The following SBK1 variants were observed in gnomAD, a reference collection of about 807,000 sequenced individuals.
SBK1 encodes SH3 domain binding kinase 1.
Under a neutral mutation model 24.4 loss-of-function variants are expected in SBK1, and 11 were observed. That is an observed-to-expected ratio of 0.45 (90% CI 0.28 to 0.75). SBK1 has a LOEUF of 0.75. SBK1 is among the 30% of genes least tolerant of loss of function. SBK1 has a pLI of 0.12. For synonymous variants in SBK1, 308 were observed against 284.4 expected (o/e 1.08, Z -0.83); for missense variants, 467 against 620.5 (o/e 0.75, Z 2.63).
At chr16:28,313,969 A>T (rs1349216304) in intron 1 of SBK1, among the ~76,000 whole-genome samples, 42 of 21,766 alleles carry the variant, frequency 1.9e-3, no homozygotes. Flanking sequence ...CCGCCCGCCC[A>T]CCCTTGCTCA....
rs1362161267 is a variant in SBK1, at chr16:28,259,322, G to A, written c.77G>A (p.Gly26Glu). The A allele has an allele frequency of 6.4e-6, 2 of 310,534 alleles. No homozygotes were observed. Among genetic ancestry groups the A allele is most frequent in the Non-Finnish European group, 9.4e-6 (2 of 213,034 alleles). 19.2% of individuals were successfully genotyped at this position (310,534 alleles called of 1,614,324 possible). Reference sequence around the variant, plus strand: ...CTGACCCTGGAGCGCCCTGGCTCGGGGACTCCTGCCCAGGCTGGCGATGAT... The same window carrying A: ...CTGACCCTGGAGCGCCCTGGCTCGGAGACTCCTGCCCAGGCTGGCGATGAT... The change falls in exon 1 of 4, where the codon GGG becomes GAG. Residue 26 changes from glycine (G) to glutamate (E), a missense_variant. Gly to Glu is a moderately conservative substitution (Grantham distance 98). Transcript: ENST00000671413. The surrounding 1 kb of genome is among the most constrained non-coding windows in gnomAD (Gnocchi z 6.0).
intron 1 of SBK1, among the ~76,000 whole-genome samples, chr16:28,313,000 C>T (rs2044764618): frequency 6.6e-6 from 1 of 152,188 alleles, no homozygotes; most frequent in African/African-American, 2.4e-5. Context: ...CATGGTGGCA[C>T]ATGCCTGTAA....
chr16:28,311,717 A>G (rs1461640059), intron 1 of SBK1, among the ~76,000 whole-genome samples: 1 of 151,004 alleles, frequency 6.6e-6, no homozygotes, highest in Non-Finnish European at 1.5e-5. Context: ...AAAAAGAATT[A>G]AAGTAAATAA....
In SBK1 at chr16:28,292,566, G is replaced by A; in HGVS notation, c.-742G>A. The stretch of plus-strand genomic sequence containing the variant: ...GCAGCCCGGGCGGGCGCCGGGGCCG[G>A]GGCCCGAGCGCCAGGCGGAGCGCGA... On this transcript the variant is annotated 5_prime_UTR_variant, in exon 1 of 4. Coordinates refer to ENST00000341901, the MANE Select transcript of SBK1 (RefSeq NM_001024401.3). 1.0e-6 allele frequency: 1 copy of A among 979,516 alleles called. No homozygotes were observed. The highest frequency in any genetic ancestry group is 1.2e-6 in the Non-Finnish European group (1 of 827,324). 60.7% of individuals were successfully genotyped at this position (979,516 alleles called of 1,614,324 possible). A position where few individuals can be genotyped will look rare whatever the true frequency, so the allele number is the denominator to read the frequency against.
In SBK1 at chr16:28,292,802, C is replaced by G; in HGVS notation, c.-506C>G. On this transcript the variant is annotated 5_prime_UTR_variant, in exon 1 of 4. Transcript: ENST00000341901. ...CGAGCCTCGGGGAAGAGGGGGGGCC[C>G]TCCCGGATCCGACACCGAGCGACTC... is the stretch of plus-strand genomic sequence containing the variant. 7.1e-6 allele frequency: 7 copies of G among 985,426 alleles called. No individual in the cohort carries two copies. The highest frequency in any genetic ancestry group is 8.4e-6 in the Non-Finnish European group (7 of 829,882). The allele number at this position is 985,426 out of a possible 1,614,324, so 61.0% of individuals were successfully genotyped here. A position where few individuals can be genotyped will look rare whatever the true frequency, so the allele number is the denominator to read the frequency against.
upstream of SBK1, chr16:28,291,424 G>T (rs1415365654): frequency 6.6e-6 from 1 of 151,870 alleles, no homozygotes; most frequent in African/African-American, 2.4e-5. Context: ...GAGTTAATGG[G>T]TGCAGCACAC....
At chr16:28,308,426 C>T (rs1043703991) in intron 1 of SBK1, among the ~76,000 whole-genome samples, 3 of 124,638 alleles carry the variant, frequency 2.4e-5, no homozygotes, top group Admixed American at 1.8e-4. Flanking sequence ...GCTGGGATTA[C>T]AGGTGTGAGC....
chr16:28,303,444 A>T (rs532036306), intron 1 of SBK1, among the ~76,000 whole-genome samples: 1 of 151,450 alleles, frequency 6.6e-6, no homozygotes, highest in Admixed American at 6.6e-5. Context: ...TTATGCAAAT[A>T]CAAATGAGAA....
upstream of SBK1, among the ~76,000 whole-genome samples, chr16:28,288,732 C>T (rs1006517005): frequency 1.3e-5 from 2 of 152,174 alleles, no homozygotes; most frequent in Admixed American, 1.3e-4. Flanking sequence ...GCAGCCCTGC[C>T]CTCTCTGCTG....
intron 1 of SBK1, among the ~76,000 whole-genome samples, chr16:28,269,713 C>CAAAA (rs35633204): frequency 1.4e-5 from 2 of 144,098 alleles, no homozygotes. Context: ...ACTAAAAATA[C>CAAAA]AAAAAAAAAA....
intron 1 of SBK1, among the ~76,000 whole-genome samples, chr16:28,269,330 T>C (rs2044449707): frequency 1.3e-5 from 2 of 151,408 alleles, no homozygotes; most frequent in Admixed American, 1.3e-4. Context: ...CCACCATGCC[T>C]GGCCTGCAAG....
At chr16:28,316,196 G>A (rs1243686214) in intron 1 of SBK1, among the ~76,000 whole-genome samples, 1 of 152,132 alleles carries the variant, frequency 6.6e-6, no homozygotes, top group Admixed American at 6.5e-5. Flanking sequence ...GGGATGGTGT[G>A]GCCACATCTA....
intron 1 of SBK1, among the ~76,000 whole-genome samples, chr16:28,260,083 CTTGT>C (rs1012370923): frequency 5.8e-4 from 34 of 58,602 alleles, no homozygotes; most frequent in African/African-American, 1.2e-3. Context: ...TGTGTATTTG[CTTGT>C]GTGTGTGTGT....
At chr16:28,312,451 G>A (rs1205202290) in intron 1 of SBK1, among the ~76,000 whole-genome samples, 1 of 152,216 alleles carries the variant, frequency 6.6e-6, no homozygotes, top group Non-Finnish European at 1.5e-5. Context: ...CCAGCTGGTG[G>A]CTGCGGGAAA....
rs1302202383 is a variant in SBK1 at position 28,319,975 on chromosome 16, G to C, written c.430-101G>C. On this transcript the variant is annotated intron_variant, in intron 3 of 3. Transcript: ENST00000341901. This position sits in a 1 kb window ranked among gnomAD's most constrained non-coding sequence, Gnocchi z 4.0. ...CGCCCCAGTTACTGGGGACAGGGTGGGAGGCGAAAACCGCCTTGCTAGAGA... is the reference window on the plus strand; with the variant it reads ...CGCCCCAGTTACTGGGGACAGGGTGCGAGGCGAAAACCGCCTTGCTAGAGA... The C allele has an allele frequency of 8.2e-7, 1 of 1,215,554 alleles. No homozygotes were observed. The highest frequency in any genetic ancestry group is 2.8e-5 in the East Asian group (1 of 36,236). The allele number at this position is 1,215,554 out of a possible 1,614,324, so 75.3% of individuals were successfully genotyped here.
intron 1 of SBK1, among the ~76,000 whole-genome samples, chr16:28,280,959 C>T (rs1345730805): frequency 6.6e-6 from 1 of 152,164 alleles, no homozygotes; most frequent in African/African-American, 2.4e-5. Flanking sequence ...GCCGCCCACG[C>T]CTGGCTCCTG....
intron 1 of SBK1, among the ~76,000 whole-genome samples, chr16:28,275,945 AAAAG>A (rs752564164): frequency 9.9e-5 from 15 of 152,258 alleles, no homozygotes; most frequent in Non-Finnish European, 1.9e-4. Flanking sequence ...AAGAAAAAGA[AAAAG>A]AAAGAATGAG....
intron 1 of SBK1, among the ~76,000 whole-genome samples, chr16:28,307,039 C>T (rs1278309242): frequency 6.6e-6 from 1 of 151,912 alleles, no homozygotes; most frequent in Non-Finnish European, 1.5e-5. Flanking sequence ...CCTCCAGCAG[C>T]CCCAGCCCCA....
At position 28,300,347 on chromosome 16, in the gene SBK1, TCTCA is replaced by T. The variant is rs2044670475; in HGVS notation, c.-8+7051_-8+7054del. 1.3e-5 allele frequency among the ~76,000 whole-genome samples: 2 copies of T among 152,012 alleles called. 1 individual carries two copies. Among genetic ancestry groups the T allele is most frequent in the South Asian group, 4.1e-4 (2 of 4,820 alleles). On this transcript the variant is annotated intron_variant, in intron 1 of 3. Coordinates refer to ENST00000341901, the MANE Select transcript of SBK1 (RefSeq NM_001024401.3). Reference sequence around the variant, plus strand: ...GTTTGTTTGTTTGTTTGAGATGGGATCTCACTCTGTTGCCTAGGCTGGAGTGCAG... The same window carrying T: ...GTTTGTTTGTTTGTTTGAGATGGGATCTCTGTTGCCTAGGCTGGAGTGCAG...
Sources: allele counts gnomAD v4.1 joint callset (sites outside exome capture counted in the v4.1 genomes callset), GRCh38; gene constraint gnomAD v4.1.1; non-coding constraint Gnocchi (gnomAD v3.1); transcripts MANE v1.5; gene names NCBI Gene and HGNC (gene_info 2026-07-23, HGNC 2026-07-21).